The following PPP2R2B variants were observed in gnomAD, a reference collection of about 807,000 sequenced individuals.
PPP2R2B encodes the protein serine/threonine-protein phosphatase 2A 55 kDa regulatory subunit B beta isoform.
Under a neutral mutation model 46.0 loss-of-function variants are expected in PPP2R2B, and 5 were observed. The observed-to-expected ratio is 0.11, with a 90% CI of 0.06 to 0.23. The LOEUF (loss-of-function observed/expected upper bound fraction) is 0.23. Among genes scored for constraint, PPP2R2B ranks in the 10% least tolerant of loss-of-function variants. PPP2R2B has a pLI of 1.00. For synonymous variants in PPP2R2B, 215 were observed against 206.7 expected (o/e 1.04, Z -0.34); for missense variants, 367 against 575.0 (o/e 0.64, Z 3.70).
chr5:146,735,669 G>T (rs1419509831), intron 2 of PPP2R2B, among the ~76,000 whole-genome samples: 1 of 152,148 alleles, frequency 6.6e-6, no homozygotes, highest in Non-Finnish European at 1.5e-5. Context: ...GCTATGGAGT[G>T]GCCTGAGGGT....
chr5:147,061,731 G>C (rs956815957), intron 2 of PPP2R2B, among the ~76,000 whole-genome samples: 2 of 152,122 alleles, frequency 1.3e-5, no homozygotes, highest in Admixed American at 1.3e-4. Flanking sequence ...GCTCCATTTA[G>C]AGCAGCTGCT....
intron 1 of PPP2R2B, among the ~76,000 whole-genome samples, chr5:146,944,847 T>C (rs1764430090): frequency 6.6e-6 from 1 of 152,144 alleles, no homozygotes; most frequent in South Asian, 2.1e-4. Context: ...AGAAAACGAA[T>C]GTCTGATCTG....
chr5:146,956,962 TAATACCATCGC>T (rs1319746019), intron 1 of PPP2R2B, among the ~76,000 whole-genome samples: 5 of 152,212 alleles, frequency 3.3e-5, no homozygotes, highest in African/African-American at 1.2e-4. Flanking sequence ...GTCCATCTCT[TAATACCATCGC>T]TTGGGGGTTA....
intron 1 of PPP2R2B, among the ~76,000 whole-genome samples, chr5:147,014,795 T>G (rs1177431138): frequency 6.6e-6 from 1 of 151,624 alleles, no homozygotes; most frequent in Non-Finnish European, 1.5e-5. Flanking sequence ...GATGACGAGT[T>G]AGTGGGTGCA....
In PPP2R2B at chr5:146,891,958, A is replaced by G. The variant is rs970083230; in HGVS notation, c.79+163707T>C. Among the ~76,000 whole-genome samples the G allele has an allele frequency of 7.2e-5, 11 of 152,340 alleles. No homozygotes were observed. The East Asian group carries it at 2.1e-3, about 29-fold the overall frequency. On this transcript the variant is annotated intron_variant, in intron 1 of 8. Coordinates refer to the PPP2R2B transcript ENST00000336640. ...TTCTAAGAGTGGGTCTTAAGACACT[A>G]CACATCACATGCTCTGCCTTGAAGG...
intron 2 of PPP2R2B, among the ~76,000 whole-genome samples, chr5:146,828,260 T>TAA (rs1184103515): frequency 5.3e-5 from 8 of 150,400 alleles, no homozygotes; most frequent in Non-Finnish European, 8.9e-5. Context: ...TTTACTTTTT[T>TAA]TAAAAAAAAA....
At position 146,630,521 on chromosome 5, in the gene PPP2R2B, G is replaced by T. The variant is rs190569213; in HGVS notation, c.790+7730C>A. On this transcript the variant is annotated intron_variant, in intron 7 of 9. Coordinates refer to ENST00000394411, the MANE Select transcript of PPP2R2B (RefSeq NM_181675.4). ...ACCTCAACTTCATCACTTGCTCTTT[G>T]GTGGCCATAAGTGTATCTTTCCCCC... is the stretch of plus-strand genomic sequence containing the variant. 2.0e-3 allele frequency among the ~76,000 whole-genome samples: 309 copies of T among 152,276 alleles called. 1 individual carries two copies. The highest frequency in any genetic ancestry group is 1.6e-3 in the Non-Finnish European group (107 of 68,028).
At position 146,842,628 on chromosome 5, in the gene PPP2R2B, G is replaced by A. The variant is rs570877333; in HGVS notation, c.70+35374C>T. 2.0e-5 allele frequency among the ~76,000 whole-genome samples: 3 copies of A among 151,738 alleles called. No homozygotes were observed. The East Asian group carries it at 5.8e-4, about 30-fold the overall frequency. On this transcript the variant is annotated intron_variant, in intron 2 of 9. Transcript: ENST00000394411. Reference sequence around the variant, plus strand: ...TTGGTATCCATTCATTATTTTTCCTGGTCATCTAATTTTACCTCTCCTCCT... The same window carrying A: ...TTGGTATCCATTCATTATTTTTCCTAGTCATCTAATTTTACCTCTCCTCCT...
At chr5:146,769,839 AGT>A (rs1754728749) in intron 2 of PPP2R2B, among the ~76,000 whole-genome samples, 1 of 152,224 alleles carries the variant, frequency 6.6e-6, no homozygotes, top group South Asian at 2.1e-4. Flanking sequence ...TATTCTGATA[AGT>A]GTTATTATAA....
At chr5:147,031,691 A>G (rs1378727548) in intron 1 of PPP2R2B, among the ~76,000 whole-genome samples, 7 of 152,120 alleles carry the variant, frequency 4.6e-5, no homozygotes, top group African/African-American at 1.7e-4. Flanking sequence ...TATCCTTTAT[A>G]CTTAGGCACA....
intron 5 of PPP2R2B, among the ~76,000 whole-genome samples, chr5:146,675,562 CA>C (rs1777655733): frequency 6.6e-6 from 1 of 152,134 alleles, no homozygotes; most frequent in Admixed American, 6.6e-5. Flanking sequence ...AAACATATAG[CA>C]AGTGCAATAT....
At chr5:146,854,829 C>T (rs1262464679) in intron 2 of PPP2R2B, among the ~76,000 whole-genome samples, 1 of 152,150 alleles carries the variant, frequency 6.6e-6, no homozygotes, top group African/African-American at 2.4e-5. Context: ...TGATGAGGCA[C>T]AGTGAAAAGC....
intron 4 of PPP2R2B, among the ~76,000 whole-genome samples, chr5:146,692,204 A>G (rs187709843): frequency 3.9e-4 from 60 of 152,292 alleles, no homozygotes; most frequent in South Asian, 1.9e-3. Context: ...AATCTCATCT[A>G]CCTGCATAGT....
At chr5:146,886,386 A>AATAAAGC (rs1762328495) in intron 1 of PPP2R2B, among the ~76,000 whole-genome samples, 1 of 151,612 alleles carries the variant, frequency 6.6e-6, no homozygotes, top group African/African-American at 2.4e-5. Context: ...CTAAAATAAA[A>AATAAAGC]TAAAATAAAT....
chr5:146,980,707 T>G (rs959550607), intron 1 of PPP2R2B, among the ~76,000 whole-genome samples: 1 of 152,212 alleles, frequency 6.6e-6, no homozygotes, highest in Non-Finnish European at 1.5e-5. Context: ...TTATATTGAT[T>G]TACAGTATCT....
intron 5 of PPP2R2B, among the ~76,000 whole-genome samples, chr5:146,653,985 C>T (rs1301710820): frequency 1.3e-5 from 2 of 152,116 alleles, no homozygotes; most frequent in African/African-American, 4.8e-5. Context: ...CACGATGGAC[C>T]GATTAGGAAA....
At chr5:146,975,830 T>A (rs972560448) in intron 1 of PPP2R2B, among the ~76,000 whole-genome samples, 1 of 152,118 alleles carries the variant, frequency 6.6e-6, no homozygotes. Context: ...TTTTAATTGG[T>A]TTTTTGTTGT....
intron 2 of PPP2R2B, among the ~76,000 whole-genome samples, chr5:146,806,470 A>AT (rs2151312137): frequency 6.6e-6 from 1 of 152,316 alleles, no homozygotes; most frequent in South Asian, 2.1e-4. Flanking sequence ...TGCTTGTAAT[A>AT]TAAAAAAAAG....
intron 4 of PPP2R2B, among the ~76,000 whole-genome samples, chr5:146,691,908 G>A (rs1044948618): frequency 6.6e-5 from 10 of 152,016 alleles, no homozygotes; most frequent in African/African-American, 1.9e-4. Flanking sequence ...TTCCTCTTGC[G>A]CTTGCATCCC....
Sources: gnomAD v4.1 joint callset for allele counts (sites outside exome capture counted in the v4.1 genomes callset) on GRCh38, gnomAD v4.1.1 for gene constraint, MANE v1.5 for transcripts, NCBI Gene and HGNC (gene_info 2026-07-23, HGNC 2026-07-21) for gene names.